ARL8A: variants seen among roughly 807,000 people sequenced by gnomAD.
ARL8A encodes ARF like GTPase 8A.
ARL8A carries 10 observed loss-of-function variants against 31.2 expected under a neutral mutation model. The observed-to-expected ratio is 0.32, with a 90% CI of 0.20 to 0.54. ARL8A has a LOEUF of 0.54. Among genes scored for constraint, ARL8A ranks in the 20% least tolerant of loss-of-function variants. ARL8A has a pLI of 0.93. For missense variants in ARL8A, 129 were observed against 242.8 expected (o/e 0.53, Z 3.12); for synonymous variants, 70 against 86.9 (o/e 0.81, Z 1.08).
rs952470532 is a variant in ARL8A at position 202,144,011 on chromosome 1, TC to T, written c.123+438del. 8.6e-5 allele frequency among the ~76,000 whole-genome samples: 13 copies of T among 151,930 alleles called. No individual in the cohort carries two copies. The highest frequency in any genetic ancestry group is 2.9e-5 in the Non-Finnish European group (2 of 67,954). Reference sequence around the variant, plus strand: ...TGGGGCTGGGCTTGCCCAAACCCCCTCCTCAAGCCTCTCGGCCGCCCCGTCC... The same window carrying T: ...TGGGGCTGGGCTTGCCCAAACCCCCTCTCAAGCCTCTCGGCCGCCCCGTCC... On this transcript the variant is annotated intron_variant, in intron 1 of 6. Coordinates refer to ENST00000272217, the MANE Select transcript of ARL8A (RefSeq NM_138795.4). The surrounding 1 kb of genome is among the most constrained non-coding windows in gnomAD (Gnocchi z 5.2).
intron 1 of ARL8A, among the ~76,000 whole-genome samples, chr1:202,141,879 T>G (rs998611691): frequency 6.6e-6 from 1 of 152,072 alleles, no homozygotes; most frequent in Admixed American, 6.5e-5. Flanking sequence ...CTTTTTTTTT[T>G]TTGAGACGGA....
At position 202,134,481 on chromosome 1, in the gene ARL8A, A is replaced by C; in HGVS notation, c.547T>G (p.Ser183Ala). ...TLQWLIQHSK[S>A]RRS ...GGGCTGGAGTCTCAGCTTCTCCGTGACTTCGAGTGTTGAATAAGCCACTGT... is the reference window on the plus strand; with the variant it reads ...GGGCTGGAGTCTCAGCTTCTCCGTGCCTTCGAGTGTTGAATAAGCCACTGT... Residue 183 changes from serine to alanine, a missense_variant, in exon 7 of 7, where the codon TCA (serine) becomes GCA (alanine). Physicochemically the swap from Ser to Ala is moderately conservative, Grantham distance 99. Coordinates refer to ENST00000272217, the MANE Select transcript of ARL8A (RefSeq NM_138795.4). The surrounding 1 kb of genome is among the most constrained non-coding windows in gnomAD (Gnocchi z 4.2). 1 of 1,613,542 alleles carries C rather than the reference A, an allele frequency of 6.2e-7. No individual in the cohort carries two copies. The highest frequency in any genetic ancestry group is 1.3e-5 in the African/African-American group (1 of 74,974).
intron 3 of ARL8A, among the ~76,000 whole-genome samples, chr1:202,137,611 A>G (rs987795838): frequency 2.7e-5 from 4 of 150,264 alleles, no homozygotes; most frequent in African/African-American, 7.4e-5. Flanking sequence ...CTGGGCAACA[A>G]GAGCGAAACT....
intron 1 of ARL8A, among the ~76,000 whole-genome samples, chr1:202,141,014 C>T (rs114578285): frequency 0.012 from 1,848 of 152,286 alleles, 30 homozygotes; most frequent in African/African-American, 0.041. Context: ...GGAACCATCA[C>T]TGCTCTTTGG....
Position 202,138,092 on chromosome 1 carries a change from G to T in ARL8A, c.205-54C>A. ...AGTAGTGGGCAGGCCACCAAAACGT[G>T]TCTTGGGTCTCAAATGCCCCCTCCT... On this transcript the variant is annotated intron_variant, in intron 2 of 6. Transcript: ENST00000272217. The surrounding 1 kb of genome is among the most constrained non-coding windows in gnomAD (Gnocchi z 4.4). 6.2e-7 allele frequency: 1 copy of T among 1,600,326 alleles called. No homozygotes were observed. Among genetic ancestry groups the T allele is most frequent in the Non-Finnish European group, 8.6e-7 (1 of 1,169,024 alleles).
chr1:202,133,740 T>G lies in ARL8A; in HGVS notation c.*727A>C, dbSNP rs1654926124. On this transcript the variant is annotated 3_prime_UTR_variant, in exon 7 of 7. Transcript: ENST00000272217. ...GGCTGCTGGGGCATGGACGCTGGCT[T>G]TCTGCCCCGTGTGCCTGGTGGTTTC... The G allele has an allele frequency of 6.6e-6, 1 of 151,844 alleles. No homozygotes were observed. The highest frequency in any genetic ancestry group is 6.5e-5 in the Admixed American group (1 of 15,268). 9.4% of individuals were successfully genotyped at this position (151,844 alleles called of 1,614,324 possible). A position where few individuals can be genotyped will look rare whatever the true frequency, so the allele number is the denominator to read the frequency against.
At chr1:202,136,530 C>T (rs1048495343) in intron 3 of ARL8A, among the ~76,000 whole-genome samples, 5 of 152,092 alleles carry the variant, frequency 3.3e-5, no homozygotes, top group Admixed American at 2.0e-4. Context: ...CCACTCGTCT[C>T]GGGCTCCCAA....
At chr1:202,136,063 A>T (rs962910637) in intron 3 of ARL8A, among the ~76,000 whole-genome samples, 4 of 152,174 alleles carry the variant, frequency 2.6e-5, no homozygotes, top group Non-Finnish European at 2.9e-5. Context: ...CATGTGGAAA[A>T]GCGTGGGCCC....
chr1:202,139,887 A>T lies in ARL8A; in HGVS notation c.124-1439T>A, dbSNP rs1006114345. 5.3e-5 allele frequency among the ~76,000 whole-genome samples: 8 copies of T among 151,942 alleles called. No homozygotes were observed. In the South Asian group the frequency reaches 8.3e-4, roughly 16 times the overall value. On this transcript the variant is annotated intron_variant, in intron 1 of 6. Coordinates refer to ENST00000272217, the MANE Select transcript of ARL8A (RefSeq NM_138795.4). ...GGTCTTGAACTCCTGACCTCAAGTG[A>T]TCTGCCTACCTGGGCCTCCCAAAGC... is the stretch of plus-strand genomic sequence containing the variant.
chr1:202,138,374 A>G lies in ARL8A; in HGVS notation c.198T>C (p.Thr66=). 1 of 1,613,468 alleles carries G rather than the reference A, an allele frequency of 6.2e-7. No homozygotes were observed. The highest frequency in any genetic ancestry group is 8.5e-7 in the Non-Finnish European group (1 of 1,179,470). ...NMRKITKGNV[T]IKLWDIGGQP... ...CAAGCTTCTGGGCCCTCACCTTGAT[A>G]GTCACATTCCCTTTGGTGATTTTGC... Residue 66 remains threonine (T), a synonymous_variant, in exon 2 of 7, where the codon ACT becomes ACC. Coordinates refer to ENST00000272217, the MANE Select transcript of ARL8A (RefSeq NM_138795.4). This position sits in a 1 kb window ranked among gnomAD's most constrained non-coding sequence, Gnocchi z 4.4.
rs1322861455 is a variant in ARL8A, at chr1:202,135,161, T to C, written c.500A>G (p.Lys167Arg). The C allele has an allele frequency of 1.2e-6, 2 of 1,613,944 alleles. No individual in the cohort carries two copies. The highest frequency in any genetic ancestry group is 2.2e-5 in the South Asian group (2 of 91,080). The part of the protein sequence containing the change: ...ICCYSISCKE[K>R]DNIDITLQWL... ...CCCATCCTACGCACCAATGTTGTCC[T>C]TTTCTTTGCAAGAGATGGAGTAGCA... The change falls in exon 6 of 7, where the codon AAG (lysine) becomes AGG (arginine). Residue 167 changes from lysine (K) to arginine (R), a missense_variant. By Grantham distance (26) the Lys-to-Arg change is conservative. Transcript: ENST00000272217. The surrounding 1 kb of genome is among the most constrained non-coding windows in gnomAD (Gnocchi z 5.3).
Position 202,135,117 on chromosome 1 carries a change from T to C in ARL8A, c.511+33A>G. On this transcript the variant is annotated intron_variant, in intron 6 of 6. Coordinates refer to ENST00000272217, the MANE Select transcript of ARL8A (RefSeq NM_138795.4). This position sits in a 1 kb window ranked among gnomAD's most constrained non-coding sequence, Gnocchi z 5.3. ...CCACTAAAACACTCAGAAATGCCTC[T>C]CCCCTCTCCTCCCTTTCCCCCATCC... is the stretch of plus-strand genomic sequence containing the variant. The C allele has an allele frequency of 6.3e-7, 1 of 1,592,794 alleles. No individual in the cohort carries two copies.
At chr1:202,140,420 C>T (rs1247770788) in intron 1 of ARL8A, among the ~76,000 whole-genome samples, 4 of 151,706 alleles carry the variant, frequency 2.6e-5, no homozygotes, top group Non-Finnish European at 5.9e-5. Context: ...GGATTACAGG[C>T]GTGAGCCACC....
Position 202,134,438 on chromosome 1 carries a change from C to T in ARL8A, c.*29G>A, listed in dbSNP as rs1429462523. The T allele has an allele frequency of 1.2e-6, 2 of 1,606,208 alleles. No individual in the cohort carries two copies. Among genetic ancestry groups the T allele is most frequent in the East Asian group, 2.2e-5 (1 of 44,814 alleles). ...GGCTTCAGGTTTAGATGATGACGGT[C>T]CCTGGTCTGAGGGAGAAGGGCTGGA... On this transcript the variant is annotated 3_prime_UTR_variant, in exon 7 of 7. Transcript: ENST00000272217. This position sits in a 1 kb window ranked among gnomAD's most constrained non-coding sequence, Gnocchi z 4.2.
chr1:202,138,294 A>AACACACACACAC lies in ARL8A; in HGVS notation c.204+62_204+73dup, dbSNP rs10531175. 286 of 1,337,818 alleles carry AACACACACACAC rather than the reference A, an allele frequency of 2.1e-4. 1 individual carries two copies. The African/African-American group carries it at 3.2e-3, about 15-fold the overall frequency. 82.9% of individuals were successfully genotyped at this position (1,337,818 alleles called of 1,614,324 possible). A position where few individuals can be genotyped will look rare whatever the true frequency, so the allele number is the denominator to read the frequency against. On this transcript the variant is annotated intron_variant, in intron 2 of 6. Transcript: ENST00000272217. This position sits in a 1 kb window ranked among gnomAD's most constrained non-coding sequence, Gnocchi z 4.4. Reference sequence around the variant, plus strand: ...CCCAGGGGCCTCCGTTGCCCTCCCCAACACACACACACACACACACACACA... The same window carrying AACACACACACAC: ...CCCAGGGGCCTCCGTTGCCCTCCCCAACACACACACACACACACACACACACACACACACACA...
rs547281661 is a variant in ARL8A, at chr1:202,133,503, T to C, written c.*964A>G. 14 of 152,346 alleles carry C rather than the reference T, an allele frequency of 9.2e-5. No individual in the cohort carries two copies. The East Asian group carries it at 2.7e-3, about 29-fold the overall frequency. The allele number at this position is 152,346 out of a possible 1,614,324, so 9.4% of individuals were successfully genotyped here. A position where few individuals can be genotyped will look rare whatever the true frequency, so the allele number is the denominator to read the frequency against. Reference sequence around the variant, plus strand: ...AATCATTTTCCAAACAGAGGTTAAATATGAGCTGAAAAGTGTAAAAAAGGA... The same window carrying C: ...AATCATTTTCCAAACAGAGGTTAAACATGAGCTGAAAAGTGTAAAAAAGGA... On this transcript the variant is annotated 3_prime_UTR_variant, in exon 7 of 7. Transcript: ENST00000272217.
Position 202,144,673 on chromosome 1 carries a change from C to A in ARL8A, c.-101G>T. 3 of 1,066,512 alleles carry A rather than the reference C, an allele frequency of 2.8e-6. No individual in the cohort carries two copies. Among genetic ancestry groups the A allele is most frequent in the Non-Finnish European group, 3.4e-6 (3 of 883,336 alleles). The allele number at this position is 1,066,512 out of a possible 1,614,324, so 66.1% of individuals were successfully genotyped here. On this transcript the variant is annotated 5_prime_UTR_variant, in exon 1 of 7. Coordinates refer to ENST00000272217, the MANE Select transcript of ARL8A (RefSeq NM_138795.4). This position sits in a 1 kb window ranked among gnomAD's most constrained non-coding sequence, Gnocchi z 5.2. Reference sequence around the variant, plus strand: ...CCCCTCCCCGGTACGGCCCGGGTCCCGCGGCTCGGTGCGGGCGGAGGCTCG... The same window carrying A: ...CCCCTCCCCGGTACGGCCCGGGTCCAGCGGCTCGGTGCGGGCGGAGGCTCG...
Position 202,135,670 on chromosome 1 carries a change from A to AGCTCCCTCCCCATCCC in ARL8A, c.372+21_372+36dup, listed in dbSNP as rs1178067785. 1.3e-6 allele frequency: 2 copies of AGCTCCCTCCCCATCCC among 1,598,752 alleles called. No homozygotes were observed. The highest frequency in any genetic ancestry group is 1.7e-6 in the Non-Finnish European group (2 of 1,166,518). On this transcript the variant is annotated intron_variant, in intron 4 of 6. Coordinates refer to ENST00000272217, the MANE Select transcript of ARL8A (RefSeq NM_138795.4). The surrounding 1 kb of genome is among the most constrained non-coding windows in gnomAD (Gnocchi z 5.3). Reference sequence around the variant, plus strand: ...CCTGCTCCCAGTGACTTCCCAGCCGAGCTCCCTCCCCATCCCGCTCCCTCA... The same window carrying AGCTCCCTCCCCATCCC: ...CCTGCTCCCAGTGACTTCCCAGCCGAGCTCCCTCCCCATCCCGCTCCCTCCCCATCCCGCTCCCTCA...
chr1:202,143,582 CCAT>C (rs1000012952), intron 1 of ARL8A, among the ~76,000 whole-genome samples: 6 of 152,312 alleles, frequency 3.9e-5, no homozygotes, highest in South Asian at 4.1e-4. Context: ...CAGCTCACAC[CCAT>C]GGAGCTCATC....
Sources: allele counts gnomAD v4.1 joint callset (sites outside exome capture counted in the v4.1 genomes callset), GRCh38; gene constraint gnomAD v4.1.1; non-coding constraint Gnocchi (gnomAD v3.1); transcripts MANE v1.5; gene names NCBI Gene and HGNC (gene_info 2026-07-23, HGNC 2026-07-21).